CDH23: variants seen among roughly 807,000 people sequenced by gnomAD.
CDH23 encodes cadherin-23.
A neutral mutation model predicts 317.1 loss-of-function variants in CDH23; 189 were observed. The observed-to-expected ratio is 0.60, with a 90% confidence interval of 0.53 to 0.67. The LOEUF is 0.67. CDH23 is among the 30% of genes least tolerant of loss of function. CDH23 has a pLI of 0.00. For missense variants in CDH23, 4,401 were observed against 4,592.4 expected (o/e 0.96, Z 1.20); for synonymous variants, 1,839 against 1,876.8 (o/e 0.98, Z 0.52).
chr10:71,673,602 G>A (rs999059302), intron 14 of CDH23, among the ~76,000 whole-genome samples: 3 of 152,204 alleles, frequency 2.0e-5, no homozygotes, highest in Non-Finnish European at 4.4e-5. Flanking sequence ...TGGCTCAGAG[G>A]CAATCACTGA....
rs1433584717 is a variant in CDH23, at chr10:71,815,054, G to A, written c.9841G>A (p.Gly3281Arg). The change falls in exon 70 of 70, where the codon GGG becomes AGG. Residue 3281 changes from glycine to arginine, a missense_variant. Physicochemically the swap from Gly to Arg is moderately radical, Grantham distance 125 (BLOSUM62 -2). Transcript: ENST00000224721. ...ACCAGTGGAGCTCAAGGGGCCCGAT[G>A]GGATCCATGTGGTGCACGGCAGCAC... is the stretch of plus-strand genomic sequence containing the variant. ...KPPVELKGPD[G>R]IHVVHGSTGT... 6.2e-7 allele frequency: 1 copy of A among 1,612,258 alleles called. No individual in the cohort carries two copies.
At chr10:71,782,283 C>T (rs982262759) in intron 41 of CDH23, among the ~76,000 whole-genome samples, 1 of 152,234 alleles carries the variant, frequency 6.6e-6, no homozygotes, top group Admixed American at 6.5e-5. Context: ...ACATCCTCAC[C>T]CTCCCTGAAA....
At chr10:71,754,230 G>C (rs550606129) in intron 38 of CDH23, among the ~76,000 whole-genome samples, 1 of 152,280 alleles carries the variant, frequency 6.6e-6, no homozygotes, top group East Asian at 1.9e-4. Flanking sequence ...TATTCCTGCA[G>C]GTAGGTTGTG....
At chr10:71,649,655 AC>A (rs1863070398) in intron 14 of CDH23, among the ~76,000 whole-genome samples, 1 of 152,170 alleles carries the variant, frequency 6.6e-6, no homozygotes, top group Admixed American at 6.5e-5. Context: ...CCTCATGCAC[AC>A]AGTCAGCGCT....
At chr10:71,695,077 G>A (rs1407359945) in intron 21 of CDH23, among the ~76,000 whole-genome samples, 10 of 152,180 alleles carry the variant, frequency 6.6e-5, no homozygotes, top group Admixed American at 6.5e-4. Flanking sequence ...AGACGGGGAG[G>A]CTCAAGGGAT....
rs368743687 is a variant in CDH23, at chr10:71,815,117, G to A, written c.9904G>A (p.Glu3302Lys). The A allele has an allele frequency of 5.6e-5, 90 of 1,611,186 alleles. No homozygotes were observed. The highest frequency in any genetic ancestry group is 9.3e-5 in the African/African-American group (7 of 75,022). The change falls in exon 70 of 70, where the codon GAG (glutamate) becomes AAG (lysine). Residue 3302 changes from glutamate (E) to lysine (K), a missense_variant. By Grantham distance (56) the Glu-to-Lys change is moderately conservative (BLOSUM62 1). This residue lies in a region of CDH23 where 1,144 missense variants were observed against 1,138.2 expected (regional missense o/e 1.01). Transcript: ENST00000224721. ...GGCCACCGACCTCAACAGCCTGCCC[G>A]AGGAAGACCAGAAGGGCCTGGGCCG... is the stretch of plus-strand genomic sequence containing the variant. ...LLATDLNSLP[E>K]EDQKGLGRSL...
intron 38 of CDH23, among the ~76,000 whole-genome samples, chr10:71,757,067 A>C (rs536078660): frequency 6.6e-6 from 1 of 152,370 alleles, no homozygotes; most frequent in East Asian, 1.9e-4. Context: ...TGGAATATTG[A>C]AAGTAAAGAC....
intron 6 of CDH23, among the ~76,000 whole-genome samples, chr10:71,543,843 G>A (rs1287011319): frequency 1.3e-5 from 2 of 152,186 alleles, no homozygotes; most frequent in East Asian, 3.9e-4. Flanking sequence ...ACAGTGACTT[G>A]GTTCTCCCAA....
chr10:71,554,282 C>G (rs1328138453), intron 6 of CDH23, among the ~76,000 whole-genome samples: 1 of 152,084 alleles, frequency 6.6e-6, no homozygotes, highest in Non-Finnish European at 1.5e-5. Flanking sequence ...ACTGCAGCCT[C>G]AATGTCCTGG....
chr10:71,716,396 G>A, intron 28 of CDH23: 2 of 1,412,030 alleles, frequency 1.4e-6, no homozygotes, highest in Non-Finnish European at 9.4e-7. Context: ...ACCCAGGGCA[G>A]CGGGTATAGG....
At chr10:71,463,132 T>C (rs1851088293) in intron 3 of CDH23, among the ~76,000 whole-genome samples, 2 of 152,262 alleles carry the variant, frequency 1.3e-5, no homozygotes, top group African/African-American at 4.8e-5. Context: ...CTGGTACTGC[T>C]TCTTAGCTCC....
chr10:71,470,316 A>G (rs922112747), intron 3 of CDH23, among the ~76,000 whole-genome samples: 7 of 152,142 alleles, frequency 4.6e-5, no homozygotes. Context: ...AACCATTTCT[A>G]TGTGTACAGT....
At chr10:71,459,085 C>CT (rs372627407) in intron 3 of CDH23, among the ~76,000 whole-genome samples, 20,790 of 102,214 alleles carry the variant, frequency 0.2, 2,979 homozygotes, top group African/African-American at 0.34. Context: ...CACACCTGGC[C>CT]TTTTTTTTTT....
At chr10:71,742,025 C>T (rs537059854) in intron 38 of CDH23, 104 bp downstream of exon 38, 10 of 971,924 alleles carry the variant, frequency 1.0e-5, no homozygotes, top group African/African-American at 4.9e-5. Flanking sequence ...ACACAGCAGG[C>T]GAATCCTTGA....
intron 29 of CDH23, 117 bp downstream of exon 29, chr10:71,724,222 A>C (rs1359912343): frequency 6.6e-6 from 7 of 1,057,134 alleles, no homozygotes; most frequent in Non-Finnish European, 9.9e-6. Context: ...GGCCATATAC[A>C]TGGGGCGAGG....
At chr10:71,441,035 G>C (rs1173419573) in intron 2 of CDH23, among the ~76,000 whole-genome samples, 4 of 152,060 alleles carry the variant, frequency 2.6e-5, no homozygotes, top group Non-Finnish European at 5.9e-5. Flanking sequence ...CCCCTGTGAT[G>C]GGAAGCTCAC....
chr10:71,557,312 G>T lies in CDH23; in HGVS notation c.430-9430G>T, dbSNP rs759793739. Among the ~76,000 whole-genome samples the T allele has an allele frequency of 9.9e-5, 15 of 152,176 alleles. No individual in the cohort carries two copies. In the East Asian group the frequency reaches 1.9e-3, roughly 20 times the overall value. ...TAGGGAGCCTCTCAGCATATTCAAA[G>T]TATATTGAGTTTTTAAAATTTGATT... On this transcript the variant is annotated intron_variant, in intron 6 of 69. Coordinates refer to ENST00000224721, the MANE Select transcript of CDH23 (RefSeq NM_022124.6).
In CDH23 at chr10:71,657,763, A is replaced by T. The variant is rs114660695; in HGVS notation, c.1449+11146A>T. Among the ~76,000 whole-genome samples the T allele has an allele frequency of 8.6e-3, 1,311 of 151,738 alleles. 25 individuals are homozygous for T. Among genetic ancestry groups the T allele is most frequent in the African/African-American group, 0.031 (1,263 of 41,354 alleles). ...TGACACCCCCACCATTGGCATCTTAATTGATCTCATTGTTCTCAAACCCTT... is the reference window on the plus strand; with the variant it reads ...TGACACCCCCACCATTGGCATCTTATTTGATCTCATTGTTCTCAAACCCTT... On this transcript the variant is annotated intron_variant, in intron 14 of 69. Transcript: ENST00000224721.
intron 6 of CDH23, among the ~76,000 whole-genome samples, chr10:71,562,531 AGAGGGTCTGGGTGAGCCTGGG>A (rs1210126987): frequency 6.6e-6 from 1 of 152,178 alleles, no homozygotes; most frequent in Non-Finnish European, 1.5e-5. Flanking sequence ...TCCCATCAGC[AGAGGGTCTGGGTGAGCCTGGG>A]GCAGAGCCAT....
Sources: allele counts gnomAD v4.1 joint callset (sites outside exome capture counted in the v4.1 genomes callset), GRCh38; gene constraint gnomAD v4.1.1; regional missense constraint gnomAD v4.1.1; transcripts MANE v1.5; gene names NCBI Gene and HGNC (gene_info 2026-07-23, HGNC 2026-07-21).